LHPP: variants seen among roughly 807,000 people sequenced by gnomAD.
The protein encoded by LHPP is hLHPP.
LHPP carries 24 observed loss-of-function variants against 30.3 expected under a neutral mutation model. The ratio of observed to expected loss-of-function variants is 0.79; its 90% CI spans 0.57 to 1.11. The LOEUF is 1.11. Ranked by LOEUF, LHPP falls within the 50% of genes most tolerant of loss-of-function variation. The probability of loss-of-function intolerance (pLI) is 0.00; values close to 1 mark genes in which losing one functional copy is unlikely to be tolerated. For missense variants in LHPP, 356 were observed against 367.2 expected (o/e 0.97, Z 0.25); for synonymous variants, 150 against 157.1 (o/e 0.95, Z 0.34).
intron 6 of LHPP, among the ~76,000 whole-genome samples, chr10:124,609,389 C>A (rs796904093): frequency 2.6e-5 from 4 of 152,204 alleles, no homozygotes; most frequent in Admixed American, 1.3e-4. Context: ...ACTACAGGCG[C>A]CTGCCACTAC....
chr10:124,548,337 T>C (rs1258513678), intron 6 of LHPP, among the ~76,000 whole-genome samples: 1 of 152,152 alleles, frequency 6.6e-6, no homozygotes, highest in Non-Finnish European at 1.5e-5. Flanking sequence ...CTCTCTTCTC[T>C]CTTTCTACCC....
intron 6 of LHPP, among the ~76,000 whole-genome samples, chr10:124,604,332 T>C (rs71488616): frequency 0.017 from 2,647 of 152,238 alleles, 32 homozygotes; most frequent in Non-Finnish European, 0.028. Flanking sequence ...GGATGTGGGA[T>C]GTTCTGGGCC....
intron 6 of LHPP, among the ~76,000 whole-genome samples, chr10:124,601,696 A>G (rs76391192): frequency 1.3e-5 from 2 of 152,230 alleles, no homozygotes; most frequent in African/African-American, 4.8e-5. Context: ...CCAGCCGTAA[A>G]TAAGCCCCGT....
rs188585406 is a variant in LHPP at position 124,474,342 on chromosome 10, G to A, written c.126-9797G>A. On this transcript the variant is annotated intron_variant, in intron 1 of 6. Transcript: ENST00000368842. The stretch of plus-strand genomic sequence containing the variant: ...TTTAGTACAGACAAGGTTTTGCCAC[G>A]TTGCCCAGGCTGGTCTTGAACTCCA... Among the ~76,000 whole-genome samples the A allele has an allele frequency of 1.7e-3, 262 of 151,952 alleles. 2 individuals are homozygous for A. Among genetic ancestry groups the A allele is most frequent in the African/African-American group, 5.8e-3 (241 of 41,416 alleles).
chr10:124,526,918 G>C (rs1954755141), intron 6 of LHPP, among the ~76,000 whole-genome samples: 4 of 152,240 alleles, frequency 2.6e-5, no homozygotes, highest in African/African-American at 9.6e-5. Flanking sequence ...GGGGAAGAAG[G>C]GGCCCGCAGT....
chr10:124,512,443 C>G (rs527555473), intron 5 of LHPP, among the ~76,000 whole-genome samples: 2 of 151,834 alleles, frequency 1.3e-5, no homozygotes, highest in Non-Finnish European at 2.9e-5. Flanking sequence ...GGTGAAACCC[C>G]GTCTCTACTA....
At chr10:124,602,259 G>A (rs1302485841) in intron 6 of LHPP, among the ~76,000 whole-genome samples, 1 of 152,236 alleles carries the variant, frequency 6.6e-6, no homozygotes, top group Non-Finnish European at 1.5e-5. Context: ...TCATCTCTGG[G>A]GGTCTCTCTC....
chr10:124,543,441 C>T (rs755270771), intron 6 of LHPP, among the ~76,000 whole-genome samples: 2 of 152,246 alleles, frequency 1.3e-5, no homozygotes, highest in South Asian at 2.1e-4. Context: ...TGACTGGGAA[C>T]GGCAGAGGTG....
chr10:124,563,910 A>G (rs2186254), intron 6 of LHPP, among the ~76,000 whole-genome samples: 143,922 of 152,094 alleles, frequency 0.95, 68,525 homozygotes, highest in South Asian at 1. Context: ...GTGGGATGGC[A>G]GTGGGGAGTT....
Position 124,529,162 on chromosome 10 carries a change from G to A in LHPP, c.716+11891G>A, listed in dbSNP as rs192219761. On this transcript the variant is annotated intron_variant, in intron 6 of 6. Transcript: ENST00000368842. Reference sequence around the variant, plus strand: ...TTCTCCTGCCTCAGCCTCCTGAATAGCTGGGACTACAGGCACCCACCACTA... The same window carrying A: ...TTCTCCTGCCTCAGCCTCCTGAATAACTGGGACTACAGGCACCCACCACTA... Among the ~76,000 whole-genome samples, 812 of 151,344 alleles carry A rather than the reference G, an allele frequency of 5.4e-3. 4 individuals carry two copies. The highest frequency in any genetic ancestry group is 0.019 in the African/African-American group (787 of 41,144).
In LHPP at chr10:124,513,572, C is replaced by T. The variant is rs145062465; in HGVS notation, c.625-3608C>T. On this transcript the variant is annotated intron_variant, in intron 5 of 6. Coordinates refer to ENST00000368842, the MANE Select transcript of LHPP (RefSeq NM_022126.4). ...CTCCACCTCCCAGGTTCAAGCAATT[C>T]GTGTGCCTCAGCCTCCCGAGTATCT... is the stretch of plus-strand genomic sequence containing the variant. 1.9e-3 allele frequency among the ~76,000 whole-genome samples: 267 copies of T among 138,470 alleles called. 6 individuals carry two copies. In the East Asian group the frequency reaches 0.04, roughly 21 times the overall value. 90.8% of individuals were successfully genotyped at this position (138,470 alleles called of 152,430 possible).
intron 6 of LHPP, among the ~76,000 whole-genome samples, chr10:124,585,459 CA>C (rs1216762842): frequency 4.0e-5 from 6 of 151,218 alleles, no homozygotes; most frequent in African/African-American, 1.5e-4. Context: ...TACTAAAATA[CA>C]AAAAATTAGC....
At chr10:124,471,399 TA>T (rs1226226947) in intron 1 of LHPP, among the ~76,000 whole-genome samples, 920 of 75,100 alleles carry the variant, frequency 0.012, 20 homozygotes, top group East Asian at 0.028. Flanking sequence ...TATATATATA[TA>T]ATATATATAT....
At chr10:124,525,047 G>A (rs946476909) in intron 6 of LHPP, among the ~76,000 whole-genome samples, 4 of 152,188 alleles carry the variant, frequency 2.6e-5, no homozygotes, top group African/African-American at 2.4e-5. Flanking sequence ...CCGCCTTGCC[G>A]TGGGCACAGT....
intron 6 of LHPP, among the ~76,000 whole-genome samples, chr10:124,587,467 G>C (rs921775290): frequency 6.6e-6 from 1 of 151,380 alleles, no homozygotes; most frequent in African/African-American, 2.4e-5. Context: ...TGAGGCAGGC[G>C]CAGTGGCTCA....
At chr10:124,507,869 T>TG (rs1226541798) in intron 5 of LHPP, among the ~76,000 whole-genome samples, 63 of 13,796 alleles carry the variant, frequency 4.6e-3, no homozygotes, top group African/African-American at 0.012. Flanking sequence ...GGATTTCAGG[T>TG]GGGGGGGTAG....
rs192770683 is a variant in LHPP at position 124,596,159 on chromosome 10, G to A, written c.717-17105G>A. On this transcript the variant is annotated intron_variant, in intron 6 of 6. Coordinates refer to ENST00000368842, the MANE Select transcript of LHPP (RefSeq NM_022126.4). This position sits in a 1 kb window ranked among gnomAD's most constrained non-coding sequence, Gnocchi z 4.6. ...ACGATGTGTTTATCATGTCACTGTT[G>A]CTGTCACATGGGCTGTTTCTGGCTT... Among the ~76,000 whole-genome samples the A allele has an allele frequency of 1.8e-4, 28 of 152,264 alleles. No individual in the cohort carries two copies. The highest frequency in any genetic ancestry group is 3.4e-3 in the Middle Eastern group (1 of 294).
At chr10:124,574,020 C>G (rs1336974672) in intron 6 of LHPP, among the ~76,000 whole-genome samples, 4 of 152,174 alleles carry the variant, frequency 2.6e-5, no homozygotes, top group Non-Finnish European at 5.9e-5. Context: ...AGGTGTCACC[C>G]ATGGAGGCTG....
chr10:124,605,903 G>A (rs1314191534), intron 6 of LHPP, among the ~76,000 whole-genome samples: 2 of 152,090 alleles, frequency 1.3e-5, no homozygotes, highest in Non-Finnish European at 2.9e-5. Flanking sequence ...CCTTCAAGGG[G>A]CCCGGGTCAC....
Sources: allele counts gnomAD v4.1 joint callset (sites outside exome capture counted in the v4.1 genomes callset), GRCh38; gene constraint gnomAD v4.1.1; non-coding constraint Gnocchi (gnomAD v3.1); transcripts MANE v1.5; gene names NCBI Gene and HGNC (gene_info 2026-07-23, HGNC 2026-07-21).